Variants in MBNL1 observed in about 807,000 individuals in gnomAD.
MBNL1 encodes the protein muscleblind like splicing regulator 1, also known as muscleblind-like protein 1.
A neutral mutation model predicts 42.2 loss-of-function variants in MBNL1; 8 were observed. The observed-to-expected ratio is 0.19, with a 90% CI of 0.11 to 0.34. The LOEUF (loss-of-function observed/expected upper bound fraction) is 0.34, where lower values mean the gene tolerates loss of function less well. Among genes scored for constraint, MBNL1 ranks in the 10% least tolerant of loss-of-function variants. The pLI is 1.00. For synonymous variants in MBNL1, 169 were observed against 173.9 expected, an observed-to-expected ratio of 0.97 and a Z score of 0.22; for missense variants, 309 against 495.3, an observed-to-expected ratio of 0.62 and a Z score of 3.57.
chr3:152,372,494 T>A (rs1219258661), intron 2 of MBNL1, among the ~76,000 whole-genome samples: 1 of 152,138 alleles, frequency 6.6e-6, no homozygotes, highest in East Asian at 1.9e-4. Flanking sequence ...TGGACATCGT[T>A]TTTGTTGATG....
chr3:152,445,245 A>C, intron 4 of MBNL1, 37 bp from the exon 5 acceptor site: 1 of 1,565,936 alleles, frequency 6.4e-7, no homozygotes. Context: ...CTTCTTCTTC[A>C]TGTTGACTAA....
At chr3:152,246,319 CAG>C (rs1313526136) in intron 2 of MBNL1, among the ~76,000 whole-genome samples, 1 of 152,000 alleles carries the variant, frequency 6.6e-6, no homozygotes, top group African/African-American at 2.4e-5. Flanking sequence ...GCTAAAGCAG[CAG>C]AGAAGATACT....
At chr3:152,289,615 T>C (rs954804400) in intron 1 of MBNL1, among the ~76,000 whole-genome samples, 2 of 152,112 alleles carry the variant, frequency 1.3e-5, no homozygotes, top group Non-Finnish European at 2.9e-5. Flanking sequence ...TAAACTGATA[T>C]ATCTTGTTAT....
At chr3:152,384,127 C>G (rs756886113) in intron 2 of MBNL1, among the ~76,000 whole-genome samples, 3 of 152,046 alleles carry the variant, frequency 2.0e-5, no homozygotes, top group Admixed American at 6.6e-5. Context: ...GCTTAGTGTA[C>G]AACAGAAGTT....
At chr3:152,244,568 G>A (rs1576755721) in intron 2 of MBNL1, 1 of 152,054 alleles carries the variant, frequency 6.6e-6, no homozygotes, top group Non-Finnish European at 1.5e-5. Context: ...GTAAGTAACC[G>A]ACATTTTAAA....
intron 2 of MBNL1, among the ~76,000 whole-genome samples, chr3:152,341,903 TA>T (rs2093318299): frequency 6.6e-6 from 1 of 152,128 alleles, no homozygotes; most frequent in Non-Finnish European, 1.5e-5. Context: ...TAGGTGGAAA[TA>T]AAAGCTCACT....
intron 2 of MBNL1, among the ~76,000 whole-genome samples, chr3:152,332,553 A>T (rs541569974): frequency 2.0e-5 from 3 of 152,224 alleles, no homozygotes; most frequent in Non-Finnish European, 4.4e-5. Flanking sequence ...ACCTCAAGCT[A>T]TGCCACATGG....
chr3:152,394,928 G>T (rs1238370467), intron 2 of MBNL1, among the ~76,000 whole-genome samples: 1 of 152,050 alleles, frequency 6.6e-6, no homozygotes, highest in East Asian at 1.9e-4. Context: ...GAGCGATCTC[G>T]GCTCACTGCA....
chr3:152,376,830 A>G (rs1341374434), intron 2 of MBNL1, among the ~76,000 whole-genome samples: 1 of 152,160 alleles, frequency 6.6e-6, no homozygotes, highest in Non-Finnish European at 1.5e-5. Flanking sequence ...ACACACACAT[A>G]CATATATATC....
chr3:152,437,133 T>C (rs1411008600), intron 4 of MBNL1, among the ~76,000 whole-genome samples: 1 of 152,246 alleles, frequency 6.6e-6, no homozygotes, highest in African/African-American at 2.4e-5. Context: ...TCATTTGGCA[T>C]TTAAATGTAT....
chr3:152,465,244 T>G lies in MBNL1; in HGVS notation c.*2878T>G, dbSNP rs1265588920. 6.6e-6 allele frequency: 1 copy of G among 152,228 alleles called. No homozygotes were observed. Among genetic ancestry groups the G allele is most frequent in the Non-Finnish European group, 1.5e-5 (1 of 68,036 alleles). The allele number at this position is 152,228 out of a possible 1,614,324, so 9.4% of individuals were successfully genotyped here. On this transcript the variant is annotated 3_prime_UTR_variant, in exon 10 of 10. Transcript: ENST00000324210. ...GAACTATACTAAGAACATATATTAT[T>G]CAGATCAGTTTCTGCCAATTTCAGT...
At chr3:152,417,819 T>C (rs978143514) in intron 3 of MBNL1, among the ~76,000 whole-genome samples, 2 of 152,132 alleles carry the variant, frequency 1.3e-5, no homozygotes, top group Admixed American at 6.6e-5. Context: ...GAATGGGGCA[T>C]AGAAGTGGAC....
chr3:152,425,497 A>G (rs915480288), intron 3 of MBNL1, among the ~76,000 whole-genome samples: 1 of 152,072 alleles, frequency 6.6e-6, no homozygotes, highest in African/African-American at 2.4e-5. Context: ...AGTCCCAGCT[A>G]TTCAGGAGGC....
chr3:152,362,813 A>G (rs2096073607), intron 2 of MBNL1, among the ~76,000 whole-genome samples: 1 of 152,186 alleles, frequency 6.6e-6, no homozygotes, highest in Non-Finnish European at 1.5e-5. Context: ...TAACCTTTCC[A>G]TGGGCTAATT....
chr3:152,252,073 T>C (rs1163167443), intron 2 of MBNL1, among the ~76,000 whole-genome samples: 2 of 152,076 alleles, frequency 1.3e-5, no homozygotes, highest in African/African-American at 4.8e-5. Flanking sequence ...TCAACTATTT[T>C]GGTGCTTAAA....
chr3:152,354,646 GAA>G (rs542740520), intron 2 of MBNL1, among the ~76,000 whole-genome samples: 1 of 142,232 alleles, frequency 7.0e-6, no homozygotes, highest in African/African-American at 2.6e-5. Context: ...TTTACTATAT[GAA>G]AAAAAAAAAC....
intron 2 of MBNL1, among the ~76,000 whole-genome samples, chr3:152,253,025 C>T (rs1406223301): frequency 6.6e-6 from 1 of 152,116 alleles, no homozygotes; most frequent in African/African-American, 2.4e-5. Context: ...TAAGTTACAT[C>T]TCCTGTCTTT....
At chr3:152,421,050 G>A (rs147974964) in intron 3 of MBNL1, among the ~76,000 whole-genome samples, 12 of 152,160 alleles carry the variant, frequency 7.9e-5, no homozygotes, top group African/African-American at 1.9e-4. Flanking sequence ...GAAATAAAGC[G>A]TGAAGACAAG....
At chr3:152,323,276 A>G (rs1465521074) in intron 2 of MBNL1, among the ~76,000 whole-genome samples, 1 of 152,134 alleles carries the variant, frequency 6.6e-6, no homozygotes, top group East Asian at 1.9e-4. Context: ...TCCCTTTTAT[A>G]CCCATATAAA....
Sources: gnomAD v4.1 joint callset for allele counts (sites outside exome capture counted in the v4.1 genomes callset) on GRCh38, gnomAD v4.1.1 for gene constraint, MANE v1.5 for transcripts, NCBI Gene and HGNC (gene_info 2026-07-23, HGNC 2026-07-21) for gene names.